The following MED26 variants were observed in gnomAD, a reference collection of about 807,000 sequenced individuals.
MED26 encodes mediator of RNA polymerase II transcription subunit 26.
MED26 carries 7 observed loss-of-function variants against 43.7 expected under a neutral mutation model. The ratio of observed to expected loss-of-function variants is 0.16; its 90% CI spans 0.09 to 0.30. MED26 has a LOEUF of 0.30. MED26 is among the 10% of genes least tolerant of loss of function. The pLI, the probability that MED26 is intolerant of heterozygous loss-of-function variation, is 1.00. For missense variants in MED26, 784 were observed against 840.6 expected (o/e 0.93, Z 0.83); for synonymous variants, 375 against 371.1 (o/e 1.01, Z -0.12).
At chr19:16,607,282 G>A (rs2086178018) in intron 1 of MED26, among the ~76,000 whole-genome samples, 1 of 151,592 alleles carries the variant, frequency 6.6e-6, no homozygotes, top group Non-Finnish European at 1.5e-5. Context: ...GAAGTGGGAG[G>A]ATCACTTGAG....
chr19:16,605,165 A>G (rs1035339173), intron 1 of MED26, among the ~76,000 whole-genome samples: 1 of 152,260 alleles, frequency 6.6e-6, no homozygotes, highest in African/African-American at 2.4e-5. Context: ...CTAAATAAAA[A>G]GACAAATGTG....
chr19:16,588,549 A>G (rs2086081667), intron 1 of MED26: 1 of 152,338 alleles, frequency 6.6e-6, no homozygotes, highest in African/African-American at 2.4e-5. Flanking sequence ...TCCAGCACTG[A>G]CGCAAGCAAG....
At chr19:16,625,058 T>G (rs1045329137) in intron 1 of MED26, among the ~76,000 whole-genome samples, 1 of 152,142 alleles carries the variant, frequency 6.6e-6, no homozygotes, top group Non-Finnish European at 1.5e-5. Context: ...CACAATGCAG[T>G]GAGAGTAAGC....
chr19:16,609,336 A>AAGAGAGAG (rs2086189094), intron 1 of MED26, among the ~76,000 whole-genome samples: 9 of 142,374 alleles, frequency 6.3e-5, no homozygotes, highest in Middle Eastern at 3.7e-3. Flanking sequence ...AAAAAAAAAA[A>AAGAGAGAG]AGAGAGAGAA....
In MED26 at chr19:16,576,606, C is replaced by T; in HGVS notation, c.1224G>A (p.Gly408=). The T allele has an allele frequency of 1.2e-6, 2 of 1,614,246 alleles. No individual in the cohort carries two copies. The highest frequency in any genetic ancestry group is 1.6e-4 in the Middle Eastern group (1 of 6,062). Residue 408 remains glycine, a synonymous_variant, in exon 3 of 3, where the codon GGG becomes GGA. Transcript: ENST00000263390. This position sits in a 1 kb window ranked among gnomAD's most constrained non-coding sequence, Gnocchi z 6.8. ...RPRDYTVNLD[G]QVAEAGVKPV... is the part of the protein sequence containing the mutation. ...GCTTGACGCCCGCCTCAGCCACCTG[C>T]CCGTCCAAGTTAACCGTATAGTCTC...
At chr19:16,584,932 T>C (rs757192872) in intron 1 of MED26, among the ~76,000 whole-genome samples, 8 of 152,180 alleles carry the variant, frequency 5.3e-5, no homozygotes, top group African/African-American at 1.4e-4. Context: ...AGTGAGCAAA[T>C]AGCTGTTTCC....
chr19:16,612,298 T>A (rs1246268089), intron 1 of MED26: 1 of 152,198 alleles, frequency 6.6e-6, no homozygotes, highest in African/African-American at 2.4e-5. Context: ...TTTGGTTTTT[T>A]TCTTGAGACA....
intron 1 of MED26, among the ~76,000 whole-genome samples, chr19:16,604,960 C>A (rs2122428125): frequency 6.6e-6 from 1 of 152,280 alleles, no homozygotes; most frequent in South Asian, 2.1e-4. Context: ...AAAATCAGTA[C>A]CTACCTGCAG....
chr19:16,580,582 G>A lies in MED26; in HGVS notation c.73-2173C>T, dbSNP rs185108133. Among the ~76,000 whole-genome samples the A allele has an allele frequency of 1.7e-3, 266 of 152,158 alleles. 5 individuals carry two copies. The highest frequency in any genetic ancestry group is 6.9e-4 in the Non-Finnish European group (47 of 67,998). On this transcript the variant is annotated intron_variant, in intron 1 of 2. Transcript: ENST00000263390. The stretch of plus-strand genomic sequence containing the variant: ...GGGACAGGGTTTCACCATGTTGAAG[G>A]CTGGTCTTGAACTCCTGACCTCAGG...
chr19:16,577,506 T>C lies in MED26; in HGVS notation c.324A>G (p.Ala108=). 1.9e-6 allele frequency: 3 copies of C among 1,597,506 alleles called. No individual in the cohort carries two copies. Among genetic ancestry groups the C allele is most frequent in the South Asian group, 1.1e-5 (1 of 90,530 alleles). ...CCCCCACCTCCGGCCGGCAGTTGTGTGCGCCCCCGTTGGCAGAGCCGGTGG... is the reference window on the plus strand; with the variant it reads ...CCCCCACCTCCGGCCGGCAGTTGTGCGCGCCCCCGTTGGCAGAGCCGGTGG... ...AGATGSANGG[A]HNCRPEVGAA... The change falls in exon 3 of 3, where the codon GCA becomes GCG. Residue 108 remains alanine, a synonymous_variant. Coordinates refer to ENST00000263390, the MANE Select transcript of MED26 (RefSeq NM_004831.5). This position sits in a 1 kb window ranked among gnomAD's most constrained non-coding sequence, Gnocchi z 8.1.
At chr19:16,621,791 C>T (rs1012641419) in intron 1 of MED26, among the ~76,000 whole-genome samples, 2 of 152,144 alleles carry the variant, frequency 1.3e-5, no homozygotes, top group East Asian at 3.9e-4. Flanking sequence ...CTTCCCTAAG[C>T]ACATCACAGA....
chr19:16,609,178 G>A (rs2086187405), intron 1 of MED26, among the ~76,000 whole-genome samples: 1 of 151,990 alleles, frequency 6.6e-6, no homozygotes, highest in Non-Finnish European at 1.5e-5. Context: ...AGCCGGGTAT[G>A]GTGGTGCACA....
chr19:16,627,936 G>A lies in MED26; in HGVS notation c.8C>T (p.Ala3Val). Residue 3 changes from alanine to valine, a missense_variant, in exon 1 of 3, where the codon GCG becomes GTG. By Grantham distance (64) the Ala-to-Val change is moderately conservative. Transcript: ENST00000263390. The stretch of plus-strand genomic sequence containing the variant: ...GATCTGCTGCGGAGACGCCGGAGCC[G>A]CTGTCATTGCCTGGGCGAGGCGGGG... MT[A>V]APASPQQIRD... is the part of the protein sequence containing the mutation. 1.3e-6 allele frequency: 2 copies of A among 1,482,568 alleles called. No homozygotes were observed. The highest frequency in any genetic ancestry group is 2.9e-5 in the East Asian group (1 of 34,496). 91.8% of individuals were successfully genotyped at this position (1,482,568 alleles called of 1,614,324 possible).
chr19:16,580,243 T>C (rs1599331034), intron 1 of MED26, among the ~76,000 whole-genome samples: 2 of 152,200 alleles, frequency 1.3e-5, no homozygotes, highest in East Asian at 3.9e-4. Context: ...CTTAGCATCT[T>C]ACACAGCACA....
In MED26 at chr19:16,577,707, A is replaced by G. The variant is rs372944206; in HGVS notation, c.148-25T>C. Reference sequence around the variant, plus strand: ...CCTACAACCAGAGGGAGATGATGACATACTTTCGGGACAGGAACTTCTCCA... The same window carrying G: ...CCTACAACCAGAGGGAGATGATGACGTACTTTCGGGACAGGAACTTCTCCA... On this transcript the variant is annotated intron_variant, in intron 2 of 2. Transcript: ENST00000263390. This position sits in a 1 kb window ranked among gnomAD's most constrained non-coding sequence, Gnocchi z 8.1. The G allele has an allele frequency of 2.6e-6, 4 of 1,530,612 alleles. No individual in the cohort carries two copies. The highest frequency in any genetic ancestry group is 1.2e-5 in the South Asian group (1 of 81,156). The allele number at this position is 1,530,612 out of a possible 1,614,324, so 94.8% of individuals were successfully genotyped here.
chr19:16,617,784 C>T, intron 1 of MED26, among the ~76,000 whole-genome samples: 1 of 147,060 alleles, frequency 6.8e-6, no homozygotes, highest in South Asian at 2.1e-4. Context: ...CAGGCACTTG[C>T]TTGCCCACCA....
chr19:16,586,263 G>A lies in MED26; in HGVS notation c.73-7854C>T, dbSNP rs1046451361. Among the ~76,000 whole-genome samples, 1 of 152,354 alleles carries A rather than the reference G, an allele frequency of 6.6e-6. No individual in the cohort carries two copies. Among genetic ancestry groups the A allele is most frequent in the South Asian group, 2.1e-4 (1 of 4,830 alleles). ...GTTCTTTCACGTCATCCTCACAAGC[G>A]CACTCTACAGATAAGGTAACTGAGG... On this transcript the variant is annotated intron_variant, in intron 1 of 2. Coordinates refer to ENST00000263390, the MANE Select transcript of MED26 (RefSeq NM_004831.5). The surrounding 1 kb of genome is among the most constrained non-coding windows in gnomAD (Gnocchi z 5.1).
At position 16,576,643 on chromosome 19, in the gene MED26, C is replaced by T; in HGVS notation, c.1187G>A (p.Arg396Lys). Residue 396 changes from arginine (R) to lysine (K), a missense_variant, in exon 3 of 3, where the codon AGG becomes AAG. Coordinates refer to ENST00000263390, the MANE Select transcript of MED26 (RefSeq NM_004831.5). This position sits in a 1 kb window ranked among gnomAD's most constrained non-coding sequence, Gnocchi z 6.8. ...SGGSDSKKKK[R>K]YRPRDYTVNL... ...AACCGTATAGTCTCGAGGTCGGTAC[C>T]TCTTCTTCTTTTTACTGTCCGAGCC... The T allele has an allele frequency of 6.2e-7, 1 of 1,614,238 alleles. No homozygotes were observed. Among genetic ancestry groups the T allele is most frequent in the Non-Finnish European group, 8.5e-7 (1 of 1,180,050 alleles).
chr19:16,590,036 T>G (rs888717042), intron 1 of MED26, among the ~76,000 whole-genome samples: 6 of 152,252 alleles, frequency 3.9e-5, no homozygotes, highest in Non-Finnish European at 8.8e-5. Context: ...GAAACGTGTC[T>G]GCACTCTCCT....
Sources: gnomAD v4.1 joint callset for allele counts (sites outside exome capture counted in the v4.1 genomes callset) on GRCh38, gnomAD v4.1.1 for gene constraint, Gnocchi (gnomAD v3.1) non-coding constraint, MANE v1.5 for transcripts, NCBI Gene and HGNC (gene_info 2026-07-23, HGNC 2026-07-21) for gene names.